The following NUTM2G variants were observed in gnomAD, a reference collection of about 807,000 sequenced individuals.
NUTM2G encodes NUT family member 2G, also known as family with sequence similarity 22, member G.
Under a neutral mutation model 44.3 loss-of-function variants are expected in NUTM2G, and 29 were observed. The ratio of observed to expected loss-of-function variants is 0.66; its 90% CI spans 0.49 to 0.89. The LOEUF is 0.89. Among genes scored for constraint, NUTM2G ranks in the 40% least tolerant of loss-of-function variants. The pLI is 0.00. For synonymous variants in NUTM2G, 205 were observed against 395.9 expected (o/e 0.52, Z 5.72); for missense variants, 502 against 946.5 (o/e 0.53, Z 6.16).
rs866728036 is a variant in NUTM2G at position 96,935,911 on chromosome 9, C to A, written c.842+455C>A. Among the ~76,000 whole-genome samples, 557 of 151,638 alleles carry A rather than the reference C, an allele frequency of 3.7e-3. 8 individuals are homozygous for A. The highest frequency in any genetic ancestry group is 0.034 in the South Asian group (163 of 4,770). ...GGGACACCATGAGACCCCTCTCTGG[C>A]CTGACTGCCTTTGCTCCTGGGCAGA... On this transcript the variant is annotated intron_variant, in intron 3 of 6. Transcript: ENST00000372322.
At chr9:96,929,680 G>A (rs1301671919) in intron 1 of NUTM2G, among the ~76,000 whole-genome samples, 1 of 150,850 alleles carries the variant, frequency 6.6e-6, no homozygotes, top group Non-Finnish European at 1.5e-5. Flanking sequence ...GGGGCAGAAT[G>A]GGGAAGTTCA....
At chr9:96,929,149 G>C in intron 1 of NUTM2G, 109 bp downstream of exon 1, 1 of 1,567,686 alleles carries the variant, frequency 6.4e-7, no homozygotes. Flanking sequence ...TGTTGAGGGA[G>C]CACTGGATGT....
chr9:96,942,113 G>C (rs796110080), downstream of NUTM2G, among the ~76,000 whole-genome samples: 1 of 151,872 alleles, frequency 6.6e-6, no homozygotes, highest in Non-Finnish European at 1.5e-5. Context: ...ACCACTGGAC[G>C]ACAGATCCCT....
chr9:96,940,538 C>T (rs1826566778), downstream of NUTM2G, among the ~76,000 whole-genome samples: 2 of 150,652 alleles, frequency 1.3e-5, no homozygotes, highest in South Asian at 2.1e-4. Context: ...CCAGCACCTG[C>T]CCTGGTTCCC....
At chr9:96,942,081 G>C (rs890766649), downstream of NUTM2G, among the ~76,000 whole-genome samples, 3 of 151,868 alleles carry the variant, frequency 2.0e-5, no homozygotes, top group African/African-American at 7.3e-5. Flanking sequence ...GGGCAGGTTT[G>C]CCTCCAGAAA....
chr9:96,935,012 A>T (rs1486616234), intron 2 of NUTM2G, among the ~76,000 whole-genome samples: 1 of 152,166 alleles, frequency 6.6e-6, no homozygotes, highest in Non-Finnish European at 1.5e-5. Flanking sequence ...TTGCCTCCAA[A>T]TACTGACACA....
At chr9:96,934,764 A>C (rs1392253301) in intron 2 of NUTM2G, among the ~76,000 whole-genome samples, 2 of 151,982 alleles carry the variant, frequency 1.3e-5, no homozygotes, top group Non-Finnish European at 2.9e-5. Flanking sequence ...AACGAATCCC[A>C]TAGACTGGGT....
rs753546875 is a variant in NUTM2G at position 96,937,059 on chromosome 9, C to T, written c.983-5C>T. The stretch of plus-strand genomic sequence containing the variant: ...CACACCCATCCTCCTCCCTCTCTGC[C>T]TCAGTGTACCTTCCCAGCAAGGATG... On this transcript the variant is annotated splice_region_variant and splice_polypyrimidine_tract_variant and intron_variant, in intron 4 of 6. Coordinates refer to ENST00000372322, the MANE Select transcript of NUTM2G (RefSeq NM_001170741.3). 8.7e-6 allele frequency: 14 copies of T among 1,602,264 alleles called. No homozygotes were observed. Among genetic ancestry groups the T allele is most frequent in the Non-Finnish European group, 1.2e-5 (14 of 1,177,160 alleles).
chr9:96,935,562 G>A, intron 3 of NUTM2G, 106 bp downstream of exon 3: 3 of 1,604,024 alleles, frequency 1.9e-6, no homozygotes, highest in South Asian at 2.2e-5. Flanking sequence ...AGGAGGGTGT[G>A]GACAAACACA....
intron 2 of NUTM2G, among the ~76,000 whole-genome samples, chr9:96,934,713 T>C (rs547719484): frequency 1.4e-3 from 205 of 151,712 alleles, no homozygotes; most frequent in Non-Finnish European, 2.3e-3. Context: ...TCCCAGGTCA[T>C]TCTGTGTGCA....
intron 2 of NUTM2G, among the ~76,000 whole-genome samples, chr9:96,934,696 C>T (rs367972996): frequency 1.2e-3 from 189 of 151,250 alleles, no homozygotes; most frequent in Non-Finnish European, 2.3e-3. Flanking sequence ...TGCACTTTAA[C>T]CCTCGCTCCC....
intron 3 of NUTM2G, 52 bp from the exon 4 acceptor site, chr9:96,936,373 G>C (rs1376266810): frequency 2.6e-6 from 4 of 1,545,658 alleles, no homozygotes; most frequent in South Asian, 2.4e-5. Flanking sequence ...CTGGTCCTGG[G>C]GGGAGGGGGC....
chr9:96,932,506 A>G (rs1826295993), intron 2 of NUTM2G, 88 bp downstream of exon 2: 10 of 1,206,838 alleles, frequency 8.3e-6, no homozygotes, highest in Non-Finnish European at 1.2e-5. Context: ...TGTTCAGGGG[A>G]GCTTGCAGGG....
At chr9:96,936,788 C>G (rs1826445690) in intron 4 of NUTM2G, among the ~76,000 whole-genome samples, 1 of 152,214 alleles carries the variant, frequency 6.6e-6, no homozygotes, top group Admixed American at 6.5e-5. Flanking sequence ...CCTACTTTCT[C>G]TCTCCCCTTG....
At position 96,938,649 on chromosome 9, in the gene NUTM2G, C is replaced by T. The variant is rs746492002; in HGVS notation, c.1726C>T (p.Arg576Trp). 36 of 1,603,094 alleles carry T rather than the reference C, an allele frequency of 2.2e-5. No individual in the cohort carries two copies. In the East Asian group the frequency reaches 6.8e-4, roughly 30 times the overall value. Residue 576 changes from arginine to tryptophan, a missense_variant, in exon 7 of 7, where the codon CGG becomes TGG. Transcript: ENST00000372322. ...GGACTCCCCCAGGCTGAAGGCTGTC[C>T]GGCCAACCTCTCCTCCCCAGGACCA... is the stretch of plus-strand genomic sequence containing the variant. ...CQDSPRLKAV[R>W]PTSPPQDHRP...
At chr9:96,936,648 C>T (rs1346537936) in intron 4 of NUTM2G, 84 bp downstream of exon 4, 19 of 1,499,992 alleles carry the variant, frequency 1.3e-5, no homozygotes, top group Admixed American at 2.1e-5. Flanking sequence ...CCCATGCTTC[C>T]CTTCAAGAGG....
chr9:96,930,872 G>GTTTTTTTTTTTTTTTTTTTTTTTTTTT (rs1168888338), intron 1 of NUTM2G, among the ~76,000 whole-genome samples: 1 of 72,726 alleles, frequency 1.4e-5, no homozygotes, highest in African/African-American at 5.7e-5. Context: ...CCATCCAGTG[G>GTTTTTTTTTTTTTTTTTTTTTTTTTTT]TTTTTTTTTT....
chr9:96,929,860 T>C (rs1055297325), intron 1 of NUTM2G, among the ~76,000 whole-genome samples: 1 of 151,676 alleles, frequency 6.6e-6, no homozygotes, highest in East Asian at 1.9e-4. Context: ...TACTACCTCA[T>C]GAACGGGCGA....
rs1392629958 is a variant in NUTM2G, at chr9:96,936,124, A to G, written c.843-301A>G. Among the ~76,000 whole-genome samples, 9 of 147,226 alleles carry G rather than the reference A, an allele frequency of 6.1e-5. 1 individual carries two copies. Among genetic ancestry groups the G allele is most frequent in the African/African-American group, 2.3e-4 (9 of 39,648 alleles). On this transcript the variant is annotated intron_variant, in intron 3 of 6. Coordinates refer to ENST00000372322, the MANE Select transcript of NUTM2G (RefSeq NM_001170741.3). ...TCATCCCTGACGCCTTCTGCCATCA[A>G]CCCCACCCCCGGCCAGCTGATACCT...
Sources: allele counts gnomAD v4.1 joint callset (sites outside exome capture counted in the v4.1 genomes callset), GRCh38; gene constraint gnomAD v4.1.1; transcripts MANE v1.5; gene names NCBI Gene and HGNC (gene_info 2026-07-23, HGNC 2026-07-21).